The following IGFBP7 variants were observed in gnomAD, a reference collection of about 807,000 sequenced individuals.
The protein encoded by IGFBP7 is insulin-like growth factor-binding protein 7.
Under a neutral mutation model 29.4 loss-of-function variants are expected in IGFBP7, and 31 were observed. That is an observed-to-expected ratio of 1.05 (90% CI 0.79 to 1.42). The LOEUF (loss-of-function observed/expected upper bound fraction) is 1.42. Among genes scored for constraint, IGFBP7 ranks in the 40% most tolerant of loss-of-function variants. The pLI is 0.00. For synonymous variants in IGFBP7, 172 were observed against 174.9 expected, an observed-to-expected ratio of 0.98 and a Z score of 0.13; for missense variants, 393 against 395.5, an observed-to-expected ratio of 0.99 and a Z score of 0.05.
chr4:57,059,090 AAAC>A (rs1372093558), intron 1 of IGFBP7, among the ~76,000 whole-genome samples: 1 of 152,224 alleles, frequency 6.6e-6, no homozygotes, highest in Non-Finnish European at 1.5e-5. Flanking sequence ...AATAGTCAAA[AAAC>A]AACAGATGCT....
chr4:57,033,413 C>G, intron 2 of IGFBP7, 102 bp from the exon 3 acceptor site: 4 of 806,986 alleles, frequency 5.0e-6, no homozygotes, highest in East Asian at 2.4e-5. Context: ...GTCAGACTTT[C>G]TAACAGAGTA....
At chr4:57,109,121 A>C (rs1329220182) in intron 1 of IGFBP7, among the ~76,000 whole-genome samples, 3 of 152,168 alleles carry the variant, frequency 2.0e-5, no homozygotes, top group Non-Finnish European at 4.4e-5. Flanking sequence ...ATTTTTAGAA[A>C]GTGGACTATT....
intron 1 of IGFBP7, among the ~76,000 whole-genome samples, chr4:57,049,177 C>A (rs569240302): frequency 8.0e-5 from 12 of 150,530 alleles, no homozygotes; most frequent in Non-Finnish European, 1.6e-4. Context: ...CACCCTTTAC[C>A]CAGTTAGCCA....
chr4:57,034,161 A>G (rs1724024392), intron 2 of IGFBP7, among the ~76,000 whole-genome samples: 1 of 152,044 alleles, frequency 6.6e-6, no homozygotes. Flanking sequence ...GAAGAAACTC[A>G]GTTTCTTTGG....
Position 57,040,916 on chromosome 4 carries a change from G to A in IGFBP7, c.493C>T (p.Pro165Ser). The change falls in exon 2 of 5, where the codon CCC (proline) becomes TCC (serine). Residue 165 changes from proline to serine, a missense_variant. Coordinates refer to ENST00000295666, the MANE Select transcript of IGFBP7 (RefSeq NM_001553.3). ...GTGACATTCCAGATGTCCTTGGGGG[G>A]CGTCACTATGGAAGGACCTGCAGGA... ...TCEQGPSIVT[P>S]PKDIWNVTGA... 1.2e-6 allele frequency: 2 copies of A among 1,613,748 alleles called. No individual in the cohort carries two copies. Among genetic ancestry groups the A allele is most frequent in the African/African-American group, 1.3e-5 (1 of 75,042 alleles).
chr4:57,060,181 C>T (rs191939544), intron 1 of IGFBP7, among the ~76,000 whole-genome samples: 69 of 152,326 alleles, frequency 4.5e-4, no homozygotes, highest in Admixed American at 4.4e-3. Context: ...AAATAATCTC[C>T]TGGGCTGTAA....
intron 1 of IGFBP7, among the ~76,000 whole-genome samples, chr4:57,071,788 C>T (rs1188839584): frequency 6.6e-6 from 1 of 152,104 alleles, no homozygotes; most frequent in Non-Finnish European, 1.5e-5. Context: ...TTGTCTTGAA[C>T]AGCTTTTTCT....
Position 57,051,270 on chromosome 4 carries a change from G to A in IGFBP7, c.476-10337C>T, listed in dbSNP as rs114842089. 1.8e-3 allele frequency among the ~76,000 whole-genome samples: 267 copies of A among 152,362 alleles called. 2 individuals carry two copies. Among genetic ancestry groups the A allele is most frequent in the African/African-American group, 6.3e-3 (262 of 41,584 alleles). On this transcript the variant is annotated intron_variant, in intron 1 of 4. Coordinates refer to ENST00000295666, the MANE Select transcript of IGFBP7 (RefSeq NM_001553.3). ...AGAGCAGAGCCATCTGCCAAGGCAA[G>A]TCATTTAGGGAACTTCCAGAGGCGG...
chr4:57,041,687 C>T (rs369856835), intron 1 of IGFBP7, among the ~76,000 whole-genome samples: 1 of 152,200 alleles, frequency 6.6e-6, no homozygotes, highest in East Asian at 1.9e-4. Context: ...AGGCGTGCAC[C>T]ACCATGTCAG....
Position 57,092,905 on chromosome 4 carries a change from G to T in IGFBP7, c.475+16972C>A, listed in dbSNP as rs184771326. Among the ~76,000 whole-genome samples, 7 of 151,620 alleles carry T rather than the reference G, an allele frequency of 4.6e-5. No homozygotes were observed. In the East Asian group the frequency reaches 1.4e-3, roughly 29 times the overall value. ...AATATTAGTTATAAATTTAAAATTT[G>T]CAAATATATGGACTCCACATTTGCA... is the stretch of plus-strand genomic sequence containing the variant. On this transcript the variant is annotated intron_variant, in intron 1 of 4. Transcript: ENST00000295666.
At chr4:57,086,998 T>G (rs1179176930) in intron 1 of IGFBP7, among the ~76,000 whole-genome samples, 1 of 152,162 alleles carries the variant, frequency 6.6e-6, no homozygotes, top group Non-Finnish European at 1.5e-5. Flanking sequence ...CCTCCCAAAG[T>G]GCTGGGACCA....
chr4:57,108,050 T>TA (rs1726078846), intron 1 of IGFBP7, among the ~76,000 whole-genome samples: 1 of 152,268 alleles, frequency 6.6e-6, no homozygotes, highest in Non-Finnish European at 1.5e-5. Context: ...TCTCAATATT[T>TA]GGAATAAATT....
intron 1 of IGFBP7, among the ~76,000 whole-genome samples, chr4:57,099,581 G>A (rs891419041): frequency 1.3e-5 from 2 of 152,122 alleles, no homozygotes; most frequent in Non-Finnish European, 2.9e-5. Flanking sequence ...CCTACTCAGA[G>A]TTACTAGAAA....
chr4:57,031,444 T>C, intron 4 of IGFBP7, 108 bp from the exon 5 acceptor site: 4 of 802,290 alleles, frequency 5.0e-6, no homozygotes, highest in South Asian at 2.8e-5. Context: ...TGTTAAAATA[T>C]GGGGATAAAG....
intron 4 of IGFBP7, chr4:57,032,034 T>C (rs879500995): frequency 2.7e-4 from 52 of 194,850 alleles, no homozygotes; most frequent in Non-Finnish European, 3.8e-4. Context: ...CTTTGTGGCC[T>C]TTTCTTTTAA....
intron 1 of IGFBP7, among the ~76,000 whole-genome samples, chr4:57,049,188 A>AT (rs3839133): frequency 0.094 from 14,194 of 151,698 alleles, 808 homozygotes; most frequent in African/African-American, 0.15. Context: ...CAGTTAGCCA[A>AT]TTTTTTTTTC....
chr4:57,035,470 T>G lies in IGFBP7; in HGVS notation c.586-2159A>C, dbSNP rs115017346. 4.2e-3 allele frequency among the ~76,000 whole-genome samples: 637 copies of G among 152,320 alleles called. 7 individuals are homozygous for G. Among genetic ancestry groups the G allele is most frequent in the African/African-American group, 0.014 (600 of 41,568 alleles). On this transcript the variant is annotated intron_variant, in intron 2 of 4. Coordinates refer to ENST00000295666, the MANE Select transcript of IGFBP7 (RefSeq NM_001553.3). Reference sequence around the variant, plus strand: ...TGTTAAGTATGTGTTTTCTTTTTTTTTTGAGACAGAGTCTCGCTCTGTCAC... The same window carrying G: ...TGTTAAGTATGTGTTTTCTTTTTTTGTTGAGACAGAGTCTCGCTCTGTCAC...
chr4:57,039,820 C>A (rs1724176112), intron 2 of IGFBP7, among the ~76,000 whole-genome samples: 2 of 151,940 alleles, frequency 1.3e-5, no homozygotes, highest in Admixed American at 1.3e-4. Context: ...AGAAGGAAGT[C>A]TCACTGTGTT....
chr4:57,095,794 C>G (rs1011257095), intron 1 of IGFBP7, among the ~76,000 whole-genome samples: 2 of 152,154 alleles, frequency 1.3e-5, no homozygotes. Context: ...AAGAGATACT[C>G]CCCTAAGCTG....
Sources: allele counts gnomAD v4.1 joint callset (sites outside exome capture counted in the v4.1 genomes callset), GRCh38; gene constraint gnomAD v4.1.1; transcripts MANE v1.5; gene names NCBI Gene and HGNC (gene_info 2026-07-23, HGNC 2026-07-21).